LIN7A: variants seen among roughly 807,000 people sequenced by gnomAD.
LIN7A encodes the protein lin-7 cell polarity scaffold A.
A neutral mutation model predicts 29.8 loss-of-function variants in LIN7A; 25 were observed. The ratio of observed to expected loss-of-function variants is 0.84; its 90% CI spans 0.61 to 1.17. The LOEUF (loss-of-function observed/expected upper bound fraction) is 1.17. LIN7A is among the 50% of genes most tolerant of loss of function. The pLI is 0.00. For missense variants in LIN7A, 239 were observed against 287.0 expected (o/e 0.83, Z 1.21); for synonymous variants, 118 against 107.5 (o/e 1.10, Z -0.60).
Position 80,900,519 on chromosome 12 carries a change from T to C in LIN7A, c.83-11150A>G, listed in dbSNP as rs184806263. Among the ~76,000 whole-genome samples, 88 of 152,358 alleles carry C rather than the reference T, an allele frequency of 5.8e-4. 1 individual carries two copies. In the East Asian group the frequency reaches 0.014, roughly 24 times the overall value. The stretch of plus-strand genomic sequence containing the variant: ...TGATTTCTGCCTTAATTTCATAGTT[T>C]ATCCAAAAGTCATTCAGGAGCAGGT... On this transcript the variant is annotated intron_variant, in intron 1 of 5. Coordinates refer to ENST00000552864, the MANE Select transcript of LIN7A (RefSeq NM_004664.4).
At chr12:80,883,438 A>G (rs569174472) in intron 2 of LIN7A, among the ~76,000 whole-genome samples, 2 of 152,326 alleles carry the variant, frequency 1.3e-5, no homozygotes, top group South Asian at 4.1e-4. Context: ...TTAGGGTGCA[A>G]TAGCTCAATT....
At chr12:80,826,693 T>G (rs1872096512) in intron 4 of LIN7A, among the ~76,000 whole-genome samples, 1 of 152,132 alleles carries the variant, frequency 6.6e-6, no homozygotes, top group South Asian at 2.1e-4. Context: ...TGGCTAATTT[T>G]TGTATTTTTA....
chr12:80,860,924 C>A (rs973729268), intron 2 of LIN7A: 1 of 152,220 alleles, frequency 6.6e-6, no homozygotes, highest in Non-Finnish European at 1.5e-5. Flanking sequence ...TGCTCATGAT[C>A]CGCAAATATG....
At chr12:80,865,866 A>G (rs1874111872) in intron 2 of LIN7A, among the ~76,000 whole-genome samples, 1 of 152,222 alleles carries the variant, frequency 6.6e-6, no homozygotes, top group Admixed American at 6.5e-5. Flanking sequence ...AGGATTCACA[A>G]TAAGCTGTCA....
chr12:80,831,159 G>C (rs1565893520), intron 4 of LIN7A, among the ~76,000 whole-genome samples: 1 of 152,196 alleles, frequency 6.6e-6, no homozygotes, highest in East Asian at 1.9e-4. Flanking sequence ...CTTATTGAGT[G>C]ACTGAGTGAA....
At chr12:80,908,484 A>G (rs1443577910) in intron 1 of LIN7A, among the ~76,000 whole-genome samples, 4 of 152,094 alleles carry the variant, frequency 2.6e-5, no homozygotes, top group African/African-American at 9.6e-5. Flanking sequence ...TTAAATATCT[A>G]TACACATATA....
rs904905942 is a variant in LIN7A at position 80,796,044 on chromosome 12, G to A, written c.*1683C>T. The stretch of plus-strand genomic sequence containing the variant: ...TGAGGGATGCATTGTGAAGAGCAGG[G>A]AAAACCTGGTATTGACAATACTATC... On this transcript the variant is annotated 3_prime_UTR_variant, in exon 6 of 6. Coordinates refer to ENST00000552864, the MANE Select transcript of LIN7A (RefSeq NM_004664.4). The A allele has an allele frequency of 2.6e-5, 4 of 152,152 alleles. No individual in the cohort carries two copies. The highest frequency in any genetic ancestry group is 7.2e-5 in the African/African-American group (3 of 41,446). The allele number at this position is 152,152 out of a possible 1,614,324, so 9.4% of individuals were successfully genotyped here. A position where few individuals can be genotyped will look rare whatever the true frequency, so the allele number is the denominator to read the frequency against.
At chr12:80,828,800 G>A (rs934593822) in intron 4 of LIN7A, among the ~76,000 whole-genome samples, 1 of 151,564 alleles carries the variant, frequency 6.6e-6, no homozygotes, top group Non-Finnish European at 1.5e-5. Context: ...AATAAATGTG[G>A]GGTGTGTGTG....
chr12:80,817,658 T>G (rs1871599303), intron 4 of LIN7A, among the ~76,000 whole-genome samples: 1 of 152,120 alleles, frequency 6.6e-6, no homozygotes. Flanking sequence ...ATTAGATAGC[T>G]CAGAAACACA....
chr12:80,878,513 G>T (rs1874838322), intron 2 of LIN7A, among the ~76,000 whole-genome samples: 1 of 152,158 alleles, frequency 6.6e-6, no homozygotes. Flanking sequence ...CGGTGAGTGT[G>T]ACAGCTCTTA....
chr12:80,873,856 CTTT>C (rs533172741), intron 2 of LIN7A, among the ~76,000 whole-genome samples: 1 of 129,482 alleles, frequency 7.7e-6, no homozygotes, highest in Non-Finnish European at 1.7e-5. Flanking sequence ...TTTATGTTTG[CTTT>C]TTTTTTTTTT....
chr12:80,807,063 G>GTTTTTTTTTGTTTTTT (rs374349839), intron 5 of LIN7A, among the ~76,000 whole-genome samples: 1,542 of 53,352 alleles, frequency 0.029, 171 homozygotes, highest in East Asian at 0.071. Context: ...TGAAGATGGA[G>GTTTTTTTTTGTTTTTT]TTTTTTTTTT....
intron 1 of LIN7A, among the ~76,000 whole-genome samples, chr12:80,901,173 C>T (rs969527531): frequency 1.3e-5 from 2 of 152,092 alleles, no homozygotes; most frequent in Non-Finnish European, 2.9e-5. Context: ...CACTATGTAA[C>T]AGATTAGCAA....
chr12:80,841,573 T>A (rs1872826548), intron 4 of LIN7A: 1 of 152,128 alleles, frequency 6.6e-6, no homozygotes, highest in African/African-American at 2.4e-5. Context: ...TCCCTAAAAT[T>A]TTTTTCCCCA....
intron 5 of LIN7A, among the ~76,000 whole-genome samples, chr12:80,801,895 A>G (rs953792758): frequency 2.1e-5 from 3 of 142,866 alleles, no homozygotes; most frequent in African/African-American, 8.8e-5. Flanking sequence ...CTATGAGTCT[A>G]ACTTTTTTTT....
chr12:80,933,870 C>T (rs773590767), intron 1 of LIN7A, among the ~76,000 whole-genome samples: 3 of 152,068 alleles, frequency 2.0e-5, no homozygotes, highest in Non-Finnish European at 4.4e-5. Context: ...ATTTCTTCTC[C>T]TTGGCACTTG....
chr12:80,853,176 A>G lies in LIN7A; in HGVS notation c.202-4854T>C, dbSNP rs147056773. Among the ~76,000 whole-genome samples the G allele has an allele frequency of 4.4e-3, 675 of 152,256 alleles. 6 individuals carry two copies. The highest frequency in any genetic ancestry group is 0.016 in the African/African-American group (652 of 41,542). On this transcript the variant is annotated intron_variant, in intron 2 of 5. Transcript: ENST00000552864. Reference sequence around the variant, plus strand: ...AGCCAAAAAAGTTCCTGATTGCTATATTTCTCAAGTAAATGTTATATAGAA... The same window carrying G: ...AGCCAAAAAAGTTCCTGATTGCTATGTTTCTCAAGTAAATGTTATATAGAA...
intron 4 of LIN7A, among the ~76,000 whole-genome samples, chr12:80,829,815 GAGAT>G (rs1872259359): frequency 1.3e-5 from 2 of 152,098 alleles, no homozygotes; most frequent in Admixed American, 1.3e-4. Context: ...AGATCATAAT[GAGAT>G]AGATACTAAT....
intron 1 of LIN7A, among the ~76,000 whole-genome samples, chr12:80,893,454 G>A (rs1875730194): frequency 6.6e-6 from 1 of 151,908 alleles, no homozygotes; most frequent in African/African-American, 2.4e-5. Flanking sequence ...GAAAAATATT[G>A]TTCAAAAAAG....
Sources: gnomAD v4.1 joint callset for allele counts (sites outside exome capture counted in the v4.1 genomes callset) on GRCh38, gnomAD v4.1.1 for gene constraint, MANE v1.5 for transcripts, NCBI Gene and HGNC (gene_info 2026-07-23, HGNC 2026-07-21) for gene names.